LIN52: variants seen among roughly 807,000 people sequenced by gnomAD.
LIN52 encodes the protein lin-52 DREAM MuvB core complex component.
A neutral mutation model predicts 18.5 loss-of-function variants in LIN52; 4 were observed. The ratio of observed to expected loss-of-function variants is 0.22; its 90% CI spans 0.11 to 0.49. The LOEUF (loss-of-function observed/expected upper bound fraction) is 0.49. LIN52 is among the 20% of genes least tolerant of loss of function. The probability of loss-of-function intolerance (pLI) is 0.97; values close to 1 mark genes in which losing one functional copy is unlikely to be tolerated. For synonymous variants in LIN52, 34 were observed against 45.5 expected, an observed-to-expected ratio of 0.75 and a Z score of 1.02; for missense variants, 102 against 139.5, an observed-to-expected ratio of 0.73 and a Z score of 1.35.
chr14:74,188,978 C>T lies in LIN52; in HGVS notation c.284-9944C>T, dbSNP rs540108450. ...GACGTTAGCTGTTGCCAGCTGCCAG[C>T]CCCTTGAAGTCAGATAGACAGGGCA... is the stretch of plus-strand genomic sequence containing the variant. On this transcript the variant is annotated intron_variant, in intron 5 of 5. Coordinates refer to ENST00000555028, the MANE Select transcript of LIN52 (RefSeq NM_001024674.3). Among the ~76,000 whole-genome samples the T allele has an allele frequency of 4.6e-5, 7 of 152,266 alleles. 1 individual carries two copies. The South Asian group carries it at 1.5e-3, about 32-fold the overall frequency.
intron 5 of LIN52, among the ~76,000 whole-genome samples, chr14:74,184,944 C>G (rs2061334785): frequency 6.6e-6 from 1 of 151,098 alleles, no homozygotes; most frequent in Non-Finnish European, 1.5e-5. Context: ...ATTTTTTCTT[C>G]TTTTTAAAAA....
At chr14:74,174,295 GTATAGCCTACTACACACCTAGGC>G (rs1418748294) in intron 5 of LIN52, among the ~76,000 whole-genome samples, 1 of 152,140 alleles carries the variant, frequency 6.6e-6, no homozygotes, top group African/African-American at 2.4e-5. Flanking sequence ...AACCTAGATA[GTATAGCCTACTACACACCTAGGC>G]TATATGGTAT....
intron 5 of LIN52, among the ~76,000 whole-genome samples, chr14:74,175,711 TACAC>T (rs35602442): frequency 0.27 from 23,451 of 86,226 alleles, 1,997 homozygotes; most frequent in African/African-American, 0.3. Flanking sequence ...CACAGACACA[TACAC>T]ACACACACAC....
At chr14:74,183,809 T>C (rs1413189332) in intron 5 of LIN52, among the ~76,000 whole-genome samples, 1 of 152,180 alleles carries the variant, frequency 6.6e-6, no homozygotes, top group Non-Finnish European at 1.5e-5. Flanking sequence ...CATACATATC[T>C]CTAACCAGAA....
At chr14:74,086,312 T>C (rs921993471) in intron 1 of LIN52, among the ~76,000 whole-genome samples, 1 of 152,200 alleles carries the variant, frequency 6.6e-6, no homozygotes, top group Non-Finnish European at 1.5e-5. Context: ...ATCTTAAGTT[T>C]TAAGTTTAAC....
rs1384691184 is a variant in LIN52 at position 74,095,929 on chromosome 14, G to T, written c.95-19G>T. 3.8e-6 allele frequency: 6 copies of T among 1,577,498 alleles called. No individual in the cohort carries two copies. The East Asian group carries it at 1.3e-4, about 35-fold the overall frequency. On this transcript the variant is annotated intron_variant, in intron 2 of 5. Transcript: ENST00000555028. The stretch of plus-strand genomic sequence containing the variant: ...CAATCATACTTATTGAATAAATAAA[G>T]TTTTGTTTTTCTTTTTAGTACCAGG...
chr14:74,106,628 T>C (rs1469609251), intron 5 of LIN52, among the ~76,000 whole-genome samples: 1 of 152,146 alleles, frequency 6.6e-6, no homozygotes, highest in Non-Finnish European at 1.5e-5. Flanking sequence ...CCTTGCTTTG[T>C]CTCCCAGGCT....
chr14:74,101,204 A>G lies in LIN52; in HGVS notation c.249A>G (p.Leu83=), dbSNP rs761951918. Residue 83 remains leucine (L), a synonymous_variant, in exon 5 of 6, where the codon CTA becomes CTG. Coordinates refer to ENST00000555028, the MANE Select transcript of LIN52 (RefSeq NM_001024674.3). The stretch of plus-strand genomic sequence containing the variant: ...ATTTGATGGAGAAGGTTCGAGGCCT[A>G]CAGAACCTAGCCTATCAGCTGGGGC... ...TANLMEKVRG[L]QNLAYQLGLD... 20 of 1,611,134 alleles carry G rather than the reference A, an allele frequency of 1.2e-5. No individual in the cohort carries two copies. The highest frequency in any genetic ancestry group is 1.7e-4 in the Middle Eastern group (1 of 6,028).
chr14:74,150,494 G>A (rs1677503637), intron 5 of LIN52, among the ~76,000 whole-genome samples: 1 of 152,144 alleles, frequency 6.6e-6, no homozygotes, highest in Non-Finnish European at 1.5e-5. Flanking sequence ...AATCCATGGT[G>A]ATACAAATCC....
intron 5 of LIN52, among the ~76,000 whole-genome samples, chr14:74,150,559 G>C (rs2061172110): frequency 6.6e-6 from 1 of 152,162 alleles, no homozygotes; most frequent in Admixed American, 6.5e-5. Flanking sequence ...CTGAGGAAGA[G>C]GCTTCTGCAG....
intron 5 of LIN52, among the ~76,000 whole-genome samples, chr14:74,146,261 G>A (rs984553854): frequency 2.0e-5 from 3 of 152,070 alleles, no homozygotes; most frequent in Admixed American, 6.5e-5. Context: ...TCCCACACAC[G>A]GCTGGATACA....
At chr14:74,099,579 A>G (rs1314045977) in intron 4 of LIN52, among the ~76,000 whole-genome samples, 2 of 135,066 alleles carry the variant, frequency 1.5e-5, no homozygotes. Context: ...ATTTTTAAGT[A>G]TTGTCTTTGT....
intron 5 of LIN52, among the ~76,000 whole-genome samples, chr14:74,105,239 T>G (rs962528693): frequency 3.3e-5 from 5 of 152,144 alleles, no homozygotes; most frequent in Non-Finnish European, 5.9e-5. Context: ...TTCTAAAAAC[T>G]TAAGGCTTTG....
intron 2 of LIN52, among the ~76,000 whole-genome samples, chr14:74,093,856 A>T (rs1370383101): frequency 6.6e-6 from 1 of 152,134 alleles, no homozygotes; most frequent in Admixed American, 6.6e-5. Flanking sequence ...AATCCCAGCT[A>T]CTTGGGAGGC....
chr14:74,176,979 G>A (rs1466154200), intron 5 of LIN52, among the ~76,000 whole-genome samples: 2 of 151,336 alleles, frequency 1.3e-5, no homozygotes, highest in Non-Finnish European at 2.9e-5. Flanking sequence ...TCATTCATCA[G>A]TGGGACATTT....
At chr14:74,164,880 A>C (rs1232540361) in intron 5 of LIN52, among the ~76,000 whole-genome samples, 1 of 152,164 alleles carries the variant, frequency 6.6e-6, no homozygotes, top group African/African-American at 2.4e-5. Context: ...AAAGCCCCTA[A>C]AATGAAAAAT....
At chr14:74,159,455 A>G (rs1467886996) in intron 5 of LIN52, among the ~76,000 whole-genome samples, 11 of 152,180 alleles carry the variant, frequency 7.2e-5, no homozygotes, top group Admixed American at 7.2e-4. Context: ...TACTTACACA[A>G]TTACTGATTT....
At chr14:74,095,872 T>C (rs1392953465) in intron 2 of LIN52, 76 bp from the exon 3 acceptor site, 5 of 916,610 alleles carry the variant, frequency 5.5e-6, no homozygotes. Context: ...GACAAAGCTG[T>C]TTTCTTATTA....
chr14:74,123,290 G>A (rs1295371668), intron 5 of LIN52, among the ~76,000 whole-genome samples: 2 of 152,152 alleles, frequency 1.3e-5, no homozygotes, highest in African/African-American at 4.8e-5. Flanking sequence ...AATATTACTG[G>A]AGCATAAAGG....
Sources: allele counts gnomAD v4.1 joint callset (sites outside exome capture counted in the v4.1 genomes callset), GRCh38; gene constraint gnomAD v4.1.1; transcripts MANE v1.5; gene names NCBI Gene and HGNC (gene_info 2026-07-23, HGNC 2026-07-21).